Variants in PPP2R1A observed in about 807,000 individuals in gnomAD.
PPP2R1A encodes protein phosphatase 2 scaffold subunit Aalpha, also known as serine/threonine-protein phosphatase 2A 65 kDa regulatory subunit A alpha isoform.
A neutral mutation model predicts 67.1 loss-of-function variants in PPP2R1A; 15 were observed. The ratio of observed to expected loss-of-function variants is 0.22; its 90% confidence interval spans 0.15 to 0.34. The LOEUF is 0.34. Ranked by LOEUF, PPP2R1A falls within the 10% of genes least tolerant of loss-of-function variation. PPP2R1A has a pLI of 1.00. For synonymous variants in PPP2R1A, 337 were observed against 325.0 expected, an observed-to-expected ratio of 1.04 and a Z score of -0.40; for missense variants, 369 against 775.0, an observed-to-expected ratio of 0.48 and a Z score of 6.22.
chr19:52,219,981 G>A lies in PPP2R1A; in HGVS notation c.1302+117G>A. On this transcript the variant is annotated intron_variant, in intron 10 of 14. Coordinates refer to ENST00000322088, the MANE Select transcript of PPP2R1A (RefSeq NM_014225.6). The surrounding 1 kb of genome is among the most constrained non-coding windows in gnomAD (Gnocchi z 4.0). ...TTAGTGGAGGCTGTGACAACTGCCT[G>A]GGGAGTCGAAGGAAGGGACCCAGGA... is the stretch of plus-strand genomic sequence containing the variant. 7.4e-7 allele frequency: 1 copy of A among 1,356,938 alleles called. No individual in the cohort carries two copies. Among genetic ancestry groups the A allele is most frequent in the Non-Finnish European group, 9.9e-7 (1 of 1,005,256 alleles). 84.1% of individuals were successfully genotyped at this position (1,356,938 alleles called of 1,614,324 possible). A position where few individuals can be genotyped will look rare whatever the true frequency, so the allele number is the denominator to read the frequency against.
chr19:52,215,570 C>G (rs1261468590), intron 6 of PPP2R1A, among the ~76,000 whole-genome samples: 5 of 152,114 alleles, frequency 3.3e-5, no homozygotes, highest in African/African-American at 4.8e-5. Context: ...CCTCGCAGTC[C>G]TCATTTTTCT....
chr19:52,224,021 A>G (rs1979101867), intron 13 of PPP2R1A, among the ~76,000 whole-genome samples: 1 of 152,246 alleles, frequency 6.6e-6, no homozygotes, highest in South Asian at 2.1e-4. Flanking sequence ...AAAACTATTC[A>G]GCAGTGACGA....
intron 9 of PPP2R1A, among the ~76,000 whole-genome samples, chr19:52,217,485 C>T (rs77810569): frequency 0.044 from 6,663 of 152,250 alleles, 185 homozygotes; most frequent in Non-Finnish European, 0.061. Context: ...AGGCGTGAGC[C>T]GCTGCCCCCA....
intron 12 of PPP2R1A, 87 bp downstream of exon 12, chr19:52,221,220 A>G (rs1189210648): frequency 1.3e-6 from 2 of 1,542,308 alleles, no homozygotes; most frequent in Non-Finnish European, 1.8e-6. Flanking sequence ...CCCAAGGGAG[A>G]CACCTGGCTT....
chr19:52,190,144 C>T lies in PPP2R1A; in HGVS notation c.48C>T (p.Leu16=). Reference sequence around the variant, plus strand: ...ACTCGCTGTACCCCATCGCGGTGCTCATAGACGAACTCCGCAATGAGGACG... The same window carrying T: ...ACTCGCTGTACCCCATCGCGGTGCTTATAGACGAACTCCGCAATGAGGACG... The part of the protein sequence containing the change: ...GDDSLYPIAV[L]IDELRNEDVQ... The change falls in exon 1 of 15, where the codon CTC becomes CTT. Residue 16 remains leucine (L), a synonymous_variant. Coordinates refer to ENST00000322088, the MANE Select transcript of PPP2R1A (RefSeq NM_014225.6). 6.4e-7 allele frequency: 1 copy of T among 1,550,908 alleles called. No individual in the cohort carries two copies. Among genetic ancestry groups the T allele is most frequent in the Non-Finnish European group, 8.7e-7 (1 of 1,146,758 alleles).
chr19:52,203,044 G>C (rs368581356), intron 2 of PPP2R1A, among the ~76,000 whole-genome samples: 57 of 152,288 alleles, frequency 3.7e-4, no homozygotes, highest in African/African-American at 1.3e-3. Flanking sequence ...CTTATTACCA[G>C]CTGAAATCAC....
chr19:52,207,668 G>T (rs141251379), intron 3 of PPP2R1A, among the ~76,000 whole-genome samples: 1 of 152,346 alleles, frequency 6.6e-6, no homozygotes, highest in East Asian at 1.9e-4. Context: ...GTTGCCTGCA[G>T]TGCACATCCC....
At chr19:52,209,254 G>C (rs2089639700) in intron 3 of PPP2R1A, among the ~76,000 whole-genome samples, 1 of 145,112 alleles carries the variant, frequency 6.9e-6, no homozygotes, top group Non-Finnish European at 1.6e-5. Context: ...AGTGTTGATT[G>C]AGTACCTTCT....
rs972308438 is a variant in PPP2R1A at position 52,225,713 on chromosome 19, C to T, written c.1662-4C>T. Reference sequence around the variant, plus strand: ...CTCTCTCCCTGTCTCCTTTCGCTTTCCAGCACCTTGCAGAGTGAAGTCAAG... The same window carrying T: ...CTCTCTCCCTGTCTCCTTTCGCTTTTCAGCACCTTGCAGAGTGAAGTCAAG... On this transcript the variant is annotated splice_polypyrimidine_tract_variant and splice_region_variant and intron_variant, in intron 13 of 14. Coordinates refer to ENST00000322088, the MANE Select transcript of PPP2R1A (RefSeq NM_014225.6). The T allele has an allele frequency of 4.3e-6, 7 of 1,613,898 alleles. No individual in the cohort carries two copies. The African/African-American group carries it at 9.3e-5, about 22-fold the overall frequency.
At position 52,203,427 on chromosome 19, in the gene PPP2R1A, G is replaced by T. The variant is rs566867441; in HGVS notation, c.169+1393G>T. ...GTTGTAGAGGAAAAATGTTGGACCT[G>T]GGTTTGCAATAAGCAGCTCTGCCAC... On this transcript the variant is annotated intron_variant, in intron 2 of 14. Transcript: ENST00000322088. Among the ~76,000 whole-genome samples, 7 of 152,312 alleles carry T rather than the reference G, an allele frequency of 4.6e-5. No homozygotes were observed. The South Asian group carries it at 1.4e-3, about 32-fold the overall frequency.
chr19:52,223,074 A>G (rs544661659), intron 13 of PPP2R1A, among the ~76,000 whole-genome samples: 7 of 152,228 alleles, frequency 4.6e-5, no homozygotes, highest in Non-Finnish European at 8.8e-5. Context: ...ATGTGAACAC[A>G]AGCATATTTA....
intron 3 of PPP2R1A, among the ~76,000 whole-genome samples, chr19:52,207,042 C>T (rs959386448): frequency 6.6e-6 from 1 of 152,040 alleles, no homozygotes; most frequent in Non-Finnish European, 1.5e-5. Flanking sequence ...TTGTTTCTTC[C>T]CAAATAGCAT....
intron 3 of PPP2R1A, among the ~76,000 whole-genome samples, chr19:52,210,335 G>A (rs964170260): frequency 6.6e-6 from 1 of 151,954 alleles, no homozygotes; most frequent in Non-Finnish European, 1.5e-5. Context: ...GAGCAGTCCC[G>A]AGCCCCATAG....
Position 52,225,708 on chromosome 19 carries a change from G to A in PPP2R1A, c.1662-9G>A, listed in dbSNP as rs1223664301. The A allele has an allele frequency of 9.9e-6, 16 of 1,613,390 alleles. No homozygotes were observed. The highest frequency in any genetic ancestry group is 1.7e-5 in the Admixed American group (1 of 59,966). Reference sequence around the variant, plus strand: ...ACCCTCTCTCTCCCTGTCTCCTTTCGCTTTCCAGCACCTTGCAGAGTGAAG... The same window carrying A: ...ACCCTCTCTCTCCCTGTCTCCTTTCACTTTCCAGCACCTTGCAGAGTGAAG... On this transcript the variant is annotated splice_polypyrimidine_tract_variant and intron_variant, in intron 13 of 14. Transcript: ENST00000322088.
At chr19:52,193,633 C>T (rs920114458) in intron 1 of PPP2R1A, among the ~76,000 whole-genome samples, 1 of 151,894 alleles carries the variant, frequency 6.6e-6, no homozygotes, top group South Asian at 2.1e-4. Context: ...TCGTCCAGGC[C>T]GTCTCTGCTC....
rs924758604 is a variant in PPP2R1A, at chr19:52,226,397, G to T, written c.*416G>T. On this transcript the variant is annotated 3_prime_UTR_variant, in exon 15 of 15. Coordinates refer to ENST00000322088, the MANE Select transcript of PPP2R1A (RefSeq NM_014225.6). ...TCCTTTTATTTTCCCCCTTTTCACA[G>T]AGAAATAAAGGTCTAGAAGTAGTTG... 1 of 299,052 alleles carries T rather than the reference G, an allele frequency of 3.3e-6. No individual in the cohort carries two copies. The highest frequency in any genetic ancestry group is 6.3e-6 in the Non-Finnish European group (1 of 159,452). 18.5% of individuals were successfully genotyped at this position (299,052 alleles called of 1,614,324 possible). A position where few individuals can be genotyped will look rare whatever the true frequency, so the allele number is the denominator to read the frequency against.
In PPP2R1A at chr19:52,228,934, G is replaced by C. The variant is rs1192950640; in HGVS notation, c.*2953G>C. The C allele has an allele frequency of 1.3e-5, 2 of 152,206 alleles. No homozygotes were observed. The highest frequency in any genetic ancestry group is 3.8e-4 in the East Asian group (2 of 5,198). The allele number at this position is 152,206 out of a possible 1,614,324, so 9.4% of individuals were successfully genotyped here. On this transcript the variant is annotated 3_prime_UTR_variant, in exon 15 of 15. Coordinates refer to ENST00000322088, the MANE Select transcript of PPP2R1A (RefSeq NM_014225.6). ...AGAGCTCTAGAATCACCATGCCCTT[G>C]ACTCAGGGTGCAGAATCTGCCTATG...
Position 52,212,812 on chromosome 19 carries a change from C to T in PPP2R1A, c.630C>T (p.Ser210=), listed in dbSNP as rs2089683838. 6.2e-7 allele frequency: 1 copy of T among 1,606,740 alleles called. No homozygotes were observed. The highest frequency in any genetic ancestry group is 1.3e-5 in the African/African-American group (1 of 74,906). The stretch of plus-strand genomic sequence containing the variant: ...AGAGTGAGATCATCCCCATGTTCTC[C>T]AACCTGGCCTCTGACGAGCAGGTGA... ...NVKSEIIPMF[S]NLASDEQDSV... is the part of the protein sequence containing the mutation. Residue 210 remains serine (S), a synonymous_variant, in exon 5 of 15, where the codon TCC becomes TCT. Coordinates refer to ENST00000322088, the MANE Select transcript of PPP2R1A (RefSeq NM_014225.6). This position sits in a 1 kb window ranked among gnomAD's most constrained non-coding sequence, Gnocchi z 4.1.
At chr19:52,192,369 G>A (rs1301120459) in intron 1 of PPP2R1A, among the ~76,000 whole-genome samples, 6 of 151,196 alleles carry the variant, frequency 4.0e-5, no homozygotes, top group African/African-American at 1.2e-4. Context: ...GTGCACTGAC[G>A]CGATCTTTGC....
Sources: gnomAD v4.1 joint callset for allele counts (sites outside exome capture counted in the v4.1 genomes callset) on GRCh38, gnomAD v4.1.1 for gene constraint, Gnocchi (gnomAD v3.1) non-coding constraint, MANE v1.5 for transcripts, NCBI Gene and HGNC (gene_info 2026-07-23, HGNC 2026-07-21) for gene names.